PCDHA13: variants seen among roughly 807,000 people sequenced by gnomAD.
PCDHA13 encodes the protein protocadherin alpha-13.
PCDHA13 carries 54 observed loss-of-function variants against 64.8 expected under a neutral mutation model. That is an observed-to-expected ratio of 0.83 (90% confidence interval 0.67 to 1.04). The LOEUF (loss-of-function observed/expected upper bound fraction) is 1.04. Ranked by LOEUF, PCDHA13 falls within the 50% of genes least tolerant of loss-of-function variation. The pLI is 0.00. For missense variants in PCDHA13, 1,248 were observed against 1,254.3 expected (o/e 0.99, Z 0.08); for synonymous variants, 587 against 564.4 (o/e 1.04, Z -0.57).
chr5:140,950,556 A>G (rs2094497175), intron 1 of PCDHA13, among the ~76,000 whole-genome samples: 2 of 152,036 alleles, frequency 1.3e-5, no homozygotes, highest in Non-Finnish European at 2.9e-5. Context: ...CTGGGGGGAC[A>G]CTTATTTTAA....
chr5:140,887,242 G>A (rs1445154638), intron 1 of PCDHA13, among the ~76,000 whole-genome samples: 2 of 151,722 alleles, frequency 1.3e-5, no homozygotes, highest in African/African-American at 4.8e-5. Flanking sequence ...GACTACCGGC[G>A]CCCGCCACCA....
intron 1 of PCDHA13, among the ~76,000 whole-genome samples, chr5:140,903,632 C>T (rs1554191062): frequency 6.6e-6 from 1 of 152,134 alleles, no homozygotes. Context: ...CATATGTATG[C>T]ATATACCATA....
chr5:140,992,017 C>CTGTGTGTG (rs10602499), intron 3 of PCDHA13, among the ~76,000 whole-genome samples: 149 of 145,626 alleles, frequency 1.0e-3, no homozygotes, highest in African/African-American at 2.4e-3. Flanking sequence ...AGAGGTGGCT[C>CTGTGTGTG]TGTGTGTGTG....
At chr5:140,925,114 G>T (rs1341892158) in intron 1 of PCDHA13, among the ~76,000 whole-genome samples, 2 of 151,122 alleles carry the variant, frequency 1.3e-5, no homozygotes, top group East Asian at 3.9e-4. Context: ...AGGAGGGAAG[G>T]AAGGAAGGAA....
At chr5:140,952,098 C>T (rs1337442909) in intron 1 of PCDHA13, among the ~76,000 whole-genome samples, 2 of 152,108 alleles carry the variant, frequency 1.3e-5, no homozygotes, top group African/African-American at 4.8e-5. Flanking sequence ...ACATCCAGGG[C>T]ACACTCGTGT....
intron 1 of PCDHA13, chr5:140,967,272 T>A: frequency 1.2e-6 from 2 of 1,613,412 alleles, no homozygotes; most frequent in Non-Finnish European, 1.7e-6. Context: ...CGCTTTCACA[T>A]AGAGAGTGCG....
Position 141,009,792 on chromosome 5 carries a change from C to T in PCDHA13, c.2708C>T (p.Pro903Leu). Residue 903 changes from proline (P) to leucine (L), a missense_variant, in exon 4 of 4, where the codon CCT (proline) becomes CTT (leucine). Physicochemically the swap from Pro to Leu is moderately conservative, Grantham distance 98. Transcript: ENST00000289272. ...GCAATCATCTCCATCCGGCAGGAGC[C>T]TACTAACAGCCAAATTGACAAAAGT... ...SPAIISIRQEPTNSQIDKSDF... is the reference protein window; with the variant it reads ...SPAIISIRQELTNSQIDKSDF... 1 of 1,614,068 alleles carries T rather than the reference C, an allele frequency of 6.2e-7. No individual in the cohort carries two copies. The highest frequency in any genetic ancestry group is 8.5e-7 in the Non-Finnish European group (1 of 1,180,026).
At chr5:140,956,331 C>T (rs1554222358) in intron 1 of PCDHA13, among the ~76,000 whole-genome samples, 1 of 152,064 alleles carries the variant, frequency 6.6e-6, no homozygotes, top group Non-Finnish European at 1.5e-5. Flanking sequence ...TCCTTCAATA[C>T]CTAGTTTATT....
At chr5:140,942,679 G>T (rs549826522) in intron 1 of PCDHA13, among the ~76,000 whole-genome samples, 8 of 151,904 alleles carry the variant, frequency 5.3e-5, no homozygotes, top group Non-Finnish European at 8.8e-5. Flanking sequence ...AAAGTTTTAG[G>T]AATAACTTTA....
intron 1 of PCDHA13, among the ~76,000 whole-genome samples, chr5:140,900,156 T>G (rs1219079675): frequency 3.3e-5 from 5 of 152,180 alleles, no homozygotes; most frequent in African/African-American, 1.2e-4. Flanking sequence ...CATACGATAT[T>G]TGTCTTTCTG....
At chr5:140,986,694 C>T (rs556228464) in intron 3 of PCDHA13, among the ~76,000 whole-genome samples, 1 of 152,266 alleles carries the variant, frequency 6.6e-6, no homozygotes, top group South Asian at 2.1e-4. Context: ...TTTCAAAACA[C>T]ACAGCACTGC....
Position 140,882,344 on chromosome 5 carries a change from A to T in PCDHA13, c.76A>T (p.Thr26Ser). The change falls in exon 1 of 4, where the codon ACG (threonine) becomes TCG (serine). Residue 26 changes from threonine (T) to serine (S), a missense_variant. By Grantham distance (58) the Thr-to-Ser change is moderately conservative (BLOSUM62 1). Coordinates refer to ENST00000289272, the MANE Select transcript of PCDHA13 (RefSeq NM_018904.3). Reference sequence around the variant, plus strand: ...GCTTCTGATCCTCGCAGCCTGGGAGACGGGTAGTGGCCAGCTCCACTACTC... The same window carrying T: ...GCTTCTGATCCTCGCAGCCTGGGAGTCGGGTAGTGGCCAGCTCCACTACTC... The part of the protein sequence containing the change: ...LWLLILAAWE[T>S]GSGQLHYSVP... 1.2e-6 allele frequency: 2 copies of T among 1,614,084 alleles called. No homozygotes were observed. The highest frequency in any genetic ancestry group is 3.3e-5 in the Admixed American group (2 of 60,018).
chr5:140,917,332 G>GA, intron 1 of PCDHA13, among the ~76,000 whole-genome samples: 1 of 145,644 alleles, frequency 6.9e-6, no homozygotes, highest in Non-Finnish European at 1.5e-5. Context: ...GGCGGGGGAG[G>GA]GGGGGGATGG....
At chr5:140,968,982 C>G in intron 1 of PCDHA13, 1 of 1,614,226 alleles carries the variant, frequency 6.2e-7, no homozygotes, top group Non-Finnish European at 8.5e-7. Flanking sequence ...GCGTATGGCA[C>G]TGCATGCTGT....
At chr5:140,966,663 A>C in intron 1 of PCDHA13, 1 of 1,237,556 alleles carries the variant, frequency 8.1e-7, no homozygotes, top group East Asian at 3.0e-5. Context: ...GTGGGGGAGC[A>C]GGCGCAGGGT....
chr5:140,889,080 A>G (rs2062092798), intron 1 of PCDHA13, among the ~76,000 whole-genome samples: 1 of 151,888 alleles, frequency 6.6e-6, no homozygotes, highest in Non-Finnish European at 1.5e-5. Flanking sequence ...ATTTTGTTAA[A>G]TTTTCAAAAC....
In PCDHA13 at chr5:141,009,754, C is replaced by A. The variant is rs200585286; in HGVS notation, c.2670C>A (p.Ile890=). 18 of 1,614,022 alleles carry A rather than the reference C, an allele frequency of 1.1e-5. No individual in the cohort carries two copies. Among genetic ancestry groups the A allele is most frequent in the Non-Finnish European group, 1.5e-5 (18 of 1,180,034 alleles). ...GTGAGTTGCCCGACAAATTCATTAT[C>A]CCAGGATCTCCTGCAATCATCTCCA... The part of the protein sequence containing the change: ...GPGELPDKFI[I]PGSPAIISIR... The change falls in exon 4 of 4, where the codon ATC becomes ATA. Residue 890 remains isoleucine, a synonymous_variant. Coordinates refer to ENST00000289272, the MANE Select transcript of PCDHA13 (RefSeq NM_018904.3).
Position 141,010,029 on chromosome 5 carries a change from A to G in PCDHA13, c.*92A>G, listed in dbSNP as rs2098415771. 1.1e-5 allele frequency: 17 copies of G among 1,580,452 alleles called. No individual in the cohort carries two copies. In the Admixed American group the frequency reaches 3.1e-4, roughly 29 times the overall value. On this transcript the variant is annotated 3_prime_UTR_variant, in exon 4 of 4. Coordinates refer to ENST00000289272, the MANE Select transcript of PCDHA13 (RefSeq NM_018904.3). ...AATTCCCTGCTCCTTTTTCCTATCT[A>G]CATGAGCCCTCTTAGAGACCTCAGA...
At chr5:140,982,935 T>C (rs2097016879) in intron 3 of PCDHA13, among the ~76,000 whole-genome samples, 2 of 151,876 alleles carry the variant, frequency 1.3e-5, no homozygotes, top group African/African-American at 4.9e-5. Context: ...ACAAAGATCT[T>C]TTGGTTGAAG....
Sources: gnomAD v4.1 joint callset for allele counts (sites outside exome capture counted in the v4.1 genomes callset) on GRCh38, gnomAD v4.1.1 for gene constraint, MANE v1.5 for transcripts, NCBI Gene and HGNC (gene_info 2026-07-23, HGNC 2026-07-21) for gene names.